MEI4: variants seen among roughly 807,000 people sequenced by gnomAD.
The protein encoded by MEI4 is meiotic double-stranded break formation protein 4.
MEI4 carries 27 observed loss-of-function variants against 31.4 expected under a neutral mutation model. That is an observed-to-expected ratio of 0.86 (90% CI 0.63 to 1.19). The LOEUF (loss-of-function observed/expected upper bound fraction) is 1.19. Among genes scored for constraint, MEI4 ranks in the 50% most tolerant of loss-of-function variants. MEI4 has a pLI of 0.00. For synonymous variants in MEI4, 122 were observed against 145.4 expected (o/e 0.84, Z 1.16); for missense variants, 329 against 398.9 (o/e 0.82, Z 1.49).
intron 2 of MEI4, among the ~76,000 whole-genome samples, chr6:77,700,063 A>G (rs975878000): frequency 6.6e-6 from 1 of 152,230 alleles, no homozygotes; most frequent in Non-Finnish European, 1.5e-5. Context: ...TTGAGGAGGC[A>G]GTCTGCCCGT....
chr6:77,715,565 G>A (rs1265330773), intron 2 of MEI4, among the ~76,000 whole-genome samples: 1 of 152,086 alleles, frequency 6.6e-6, no homozygotes, highest in Non-Finnish European at 1.5e-5. Flanking sequence ...TTCAGAATTA[G>A]GCATATTTTT....
At chr6:77,669,868 C>T (rs1277076874) in intron 1 of MEI4, among the ~76,000 whole-genome samples, 2 of 152,156 alleles carry the variant, frequency 1.3e-5, no homozygotes, top group African/African-American at 4.8e-5. Context: ...GTGGAGCCTG[C>T]ATTTTAACCA....
chr6:77,739,508 T>C (rs752353794), intron 2 of MEI4, among the ~76,000 whole-genome samples: 1 of 151,970 alleles, frequency 6.6e-6, no homozygotes, highest in Non-Finnish European at 1.5e-5. Context: ...CACTCATAAG[T>C]GGAAGTTGAA....
chr6:77,918,907 C>G (rs1378471355), intron 4 of MEI4, among the ~76,000 whole-genome samples: 2 of 151,882 alleles, frequency 1.3e-5, no homozygotes, highest in African/African-American at 4.8e-5. Context: ...CTGTGGGATT[C>G]TCATAGATAG....
chr6:77,810,209 G>C (rs1013055997), intron 3 of MEI4, among the ~76,000 whole-genome samples: 3 of 152,140 alleles, frequency 2.0e-5, no homozygotes, highest in African/African-American at 7.2e-5. Flanking sequence ...AATGAGTGTT[G>C]AGGTATATCT....
intron 1 of MEI4, among the ~76,000 whole-genome samples, chr6:77,655,387 GGA>G (rs1484449959): frequency 6.6e-6 from 1 of 152,072 alleles, no homozygotes; most frequent in Non-Finnish European, 1.5e-5. Flanking sequence ...GTTGTCTGAT[GGA>G]GCTTAGTTAA....
chr6:77,890,086 T>A (rs547075710), intron 4 of MEI4, among the ~76,000 whole-genome samples: 1 of 152,216 alleles, frequency 6.6e-6, no homozygotes, highest in Admixed American at 6.5e-5. Context: ...GGGGTTGCAG[T>A]CCCCATATAC....
chr6:77,749,153 A>G (rs1341965332), intron 2 of MEI4, among the ~76,000 whole-genome samples: 1 of 152,194 alleles, frequency 6.6e-6, no homozygotes, highest in South Asian at 2.1e-4. Flanking sequence ...TAAATCCATA[A>G]AGATGGGGAG....
chr6:77,754,724 T>C (rs3887501), intron 2 of MEI4, among the ~76,000 whole-genome samples: 20,959 of 152,174 alleles, frequency 0.14, 1,530 homozygotes, highest in Middle Eastern at 0.21. Context: ...TCCACATGGC[T>C]GGGGTGGCCT....
intron 4 of MEI4, among the ~76,000 whole-genome samples, chr6:77,850,285 T>C (rs2127717972): frequency 6.6e-6 from 1 of 152,280 alleles, no homozygotes; most frequent in East Asian, 1.9e-4. Context: ...GAAAAACTAC[T>C]TTAAAGTTCA....
chr6:77,909,084 A>C (rs191474035), intron 4 of MEI4, among the ~76,000 whole-genome samples: 1 of 152,268 alleles, frequency 6.6e-6, no homozygotes, highest in Admixed American at 6.5e-5. Flanking sequence ...CTATTCCAAA[A>C]TTGACCACAT....
chr6:77,732,221 T>A (rs186689481), intron 2 of MEI4, among the ~76,000 whole-genome samples: 1,804 of 151,968 alleles, frequency 0.012, 20 homozygotes, highest in Non-Finnish European at 0.017. Context: ...CCTTGGGCAG[T>A]ATGGCCATTT....
intron 1 of MEI4, among the ~76,000 whole-genome samples, chr6:77,663,238 GC>G (rs1228953960): frequency 6.6e-6 from 1 of 152,228 alleles, no homozygotes; most frequent in Admixed American, 6.5e-5. Flanking sequence ...AAAAGGCCAT[GC>G]TGTAGCAGGC....
At chr6:77,741,422 A>G (rs1300233331) in intron 2 of MEI4, among the ~76,000 whole-genome samples, 1 of 152,152 alleles carries the variant, frequency 6.6e-6, no homozygotes, top group African/African-American at 2.4e-5. Flanking sequence ...GAACAGAACC[A>G]GAAGGCAGTA....
chr6:77,867,296 A>T (rs1261136233), intron 4 of MEI4, among the ~76,000 whole-genome samples: 1 of 152,218 alleles, frequency 6.6e-6, no homozygotes, highest in Non-Finnish European at 1.5e-5. Flanking sequence ...CAACCTACAG[A>T]ATGGGAGAAA....
intron 2 of MEI4, among the ~76,000 whole-genome samples, chr6:77,737,296 GGA>G (rs1350417797): frequency 6.6e-6 from 1 of 152,182 alleles, no homozygotes; most frequent in Non-Finnish European, 1.5e-5. Context: ...TTTGGGAGAG[GGA>G]GGAGATTGGA....
intron 3 of MEI4, among the ~76,000 whole-genome samples, chr6:77,799,760 C>G (rs995111565): frequency 2.0e-5 from 3 of 152,052 alleles, no homozygotes; most frequent in African/African-American, 7.3e-5. Context: ...AATCCTTTCC[C>G]CATTGCTTGT....
At chr6:77,768,498 G>C (rs915817271) in intron 3 of MEI4, among the ~76,000 whole-genome samples, 1 of 152,118 alleles carries the variant, frequency 6.6e-6, no homozygotes, top group Admixed American at 6.5e-5. Flanking sequence ...TCAGGAGTTC[G>C]AGACCAGCCT....
At chr6:77,792,913 C>A (rs946890780) in intron 3 of MEI4, among the ~76,000 whole-genome samples, 2 of 152,060 alleles carry the variant, frequency 1.3e-5, no homozygotes, top group Non-Finnish European at 2.9e-5. Context: ...AGGGTTTCAC[C>A]ATGTTAGCCA....
Sources: allele counts gnomAD v4.1 joint callset (sites outside exome capture counted in the v4.1 genomes callset), GRCh38; gene constraint gnomAD v4.1.1; transcripts MANE v1.5; gene names NCBI Gene and HGNC (gene_info 2026-07-23, HGNC 2026-07-21).